Variants in THOC1 observed in about 807,000 individuals in gnomAD.
THOC1 encodes the protein THO complex 1.
THOC1 carries 29 observed loss-of-function variants against 97.3 expected under a neutral mutation model. The ratio of observed to expected loss-of-function variants is 0.30; its 90% confidence interval spans 0.22 to 0.41. THOC1 has a LOEUF of 0.41. Ranked by LOEUF, THOC1 falls within the 10% of genes least tolerant of loss-of-function variation. The pLI is 1.00. For synonymous variants in THOC1, 255 were observed against 257.0 expected, an observed-to-expected ratio of 0.99 and a Z score of 0.07; for missense variants, 529 against 761.9, an observed-to-expected ratio of 0.69 and a Z score of 3.60.
chr18:268,020 C>A lies in THOC1; in HGVS notation c.-1G>T. 6.3e-7 allele frequency: 1 copy of A among 1,595,516 alleles called. No homozygotes were observed. Among genetic ancestry groups the A allele is most frequent in the Non-Finnish European group, 8.5e-7 (1 of 1,170,830 alleles). On this transcript the variant is annotated 5_prime_UTR_variant, in exon 1 of 21. Transcript: ENST00000261600. ...TGAAGAGCGGCGGCGTCGGAGACAT[C>A]TTCTCGGCTGCGCGTGCCCGCCACT...
chr18:232,867 CAT>C (rs1486419076), intron 11 of THOC1, among the ~76,000 whole-genome samples: 3 of 152,088 alleles, frequency 2.0e-5, no homozygotes, highest in African/African-American at 7.2e-5. Flanking sequence ...CAGTTTTCTA[CAT>C]CTTTAAATTA....
At chr18:257,064 C>T (rs1912460106) in intron 7 of THOC1, among the ~76,000 whole-genome samples, 1 of 152,182 alleles carries the variant, frequency 6.6e-6, no homozygotes, top group Non-Finnish European at 1.5e-5. Context: ...CTATTGCATA[C>T]TTAATAGACT....
At chr18:246,127 T>G (rs982600219) in intron 11 of THOC1, 197 bp downstream of exon 11, 2 of 456,560 alleles carry the variant, frequency 4.4e-6, no homozygotes, top group Non-Finnish European at 3.9e-6. Context: ...GTAGAACTAC[T>G]TTCACCTTTG....
intron 17 of THOC1, among the ~76,000 whole-genome samples, chr18:220,829 C>A (rs1439211202): frequency 6.6e-6 from 1 of 151,906 alleles, no homozygotes; most frequent in African/African-American, 2.4e-5. Context: ...ATTTTGTTAT[C>A]TTCTCTATTG....
Position 226,785 on chromosome 18 carries a change from A to C in THOC1, c.1019+16T>G. The C allele has an allele frequency of 6.3e-7, 1 of 1,576,056 alleles. No individual in the cohort carries two copies. The highest frequency in any genetic ancestry group is 8.7e-7 in the Non-Finnish European group (1 of 1,152,888). On this transcript the variant is annotated intron_variant, in intron 12 of 20. Transcript: ENST00000261600. ...GGCTACTGTTTACAAATTGTTTACT[A>C]CCCATATTATCTTACCTTTTGAATT...
intron 7 of THOC1, among the ~76,000 whole-genome samples, chr18:258,326 T>A (rs1441609627): frequency 1.3e-5 from 2 of 151,952 alleles, no homozygotes; most frequent in Non-Finnish European, 2.9e-5. Context: ...AAAGGAGAAG[T>A]AACGATTTTT....
At chr18:234,627 C>T (rs148387222) in intron 11 of THOC1, among the ~76,000 whole-genome samples, 2,591 of 152,240 alleles carry the variant, frequency 0.017, 78 homozygotes, top group African/African-American at 0.057. Flanking sequence ...AGCAATCCTC[C>T]GGCCTTGGCC....
At chr18:236,501 C>T (rs1449600901) in intron 11 of THOC1, among the ~76,000 whole-genome samples, 1 of 139,448 alleles carries the variant, frequency 7.2e-6, no homozygotes, top group Non-Finnish European at 1.5e-5. Flanking sequence ...GAACTACAGG[C>T]GCCCGCTACC....
At chr18:258,368 T>C (rs1369405615) in intron 7 of THOC1, among the ~76,000 whole-genome samples, 3 of 151,960 alleles carry the variant, frequency 2.0e-5, no homozygotes, top group South Asian at 4.1e-4. Context: ...TGAAGAAAAG[T>C]CTAAAAGGGA....
chr18:225,324 GTGT>G lies in THOC1; in HGVS notation c.1086+10_1086+12del, dbSNP rs1567844415. ...ATTTTTTCAATCATGGGTTTGTTGC[GTGT>G]TGAACTTACTTGATAAACTGATTTT... is the stretch of plus-strand genomic sequence containing the variant. On this transcript the variant is annotated intron_variant, in intron 13 of 20. Transcript: ENST00000261600. The G allele has an allele frequency of 6.2e-7, 1 of 1,612,250 alleles. No individual in the cohort carries two copies.
Position 224,190 on chromosome 18 carries a change from C to T in THOC1, c.1209-11G>A. 6.5e-7 allele frequency: 1 copy of T among 1,546,060 alleles called. No homozygotes were observed. The highest frequency in any genetic ancestry group is 8.9e-7 in the Non-Finnish European group (1 of 1,126,126). ...TTGGTATCTGATGTTCTGTCGTGAACAAAACATACACTATTTTTTGAATTA... is the reference window on the plus strand; with the variant it reads ...TTGGTATCTGATGTTCTGTCGTGAATAAAACATACACTATTTTTTGAATTA... On this transcript the variant is annotated splice_polypyrimidine_tract_variant and intron_variant, in intron 15 of 20. Transcript: ENST00000261600.
chr18:242,858 C>T lies in THOC1; in HGVS notation c.918+3466G>A, dbSNP rs781474918. ...CTTTTTGGGAATCCTAGTATCAAAA[C>T]ACCATGTAAGGTACAGAGATGCTGG... On this transcript the variant is annotated intron_variant, in intron 11 of 20. Transcript: ENST00000261600. The surrounding 1 kb of genome is among the most constrained non-coding windows in gnomAD (Gnocchi z 4.5). Among the ~76,000 whole-genome samples the T allele has an allele frequency of 1.3e-5, 2 of 152,198 alleles. No homozygotes were observed. The highest frequency in any genetic ancestry group is 2.9e-5 in the Non-Finnish European group (2 of 68,040).
chr18:249,970 A>G (rs1912228144), intron 9 of THOC1, among the ~76,000 whole-genome samples: 1 of 152,216 alleles, frequency 6.6e-6, no homozygotes. Context: ...TGCAACCATT[A>G]TATGTCCCTT....
intron 7 of THOC1, among the ~76,000 whole-genome samples, chr18:256,871 T>C (rs1310701581): frequency 6.6e-6 from 1 of 152,154 alleles, no homozygotes; most frequent in Non-Finnish European, 1.5e-5. Flanking sequence ...CACTGTGCTA[T>C]TTGAAGAAAA....
At chr18:238,709 TGTGGTTG>T (rs1567849485) in intron 11 of THOC1, among the ~76,000 whole-genome samples, 2 of 152,226 alleles carry the variant, frequency 1.3e-5, no homozygotes, top group Non-Finnish European at 2.9e-5. Flanking sequence ...TGACCAGTTA[TGTGGTTG>T]TTATGTGGTG....
At chr18:224,300 T>C (rs1911198694) in intron 15 of THOC1, 121 bp from the exon 16 acceptor site, 1 of 770,988 alleles carries the variant, frequency 1.3e-6, no homozygotes, top group Non-Finnish European at 2.1e-6. Context: ...GAAAACTGGC[T>C]GGGCATGGTG....
intron 7 of THOC1, 146 bp downstream of exon 7, chr18:259,034 A>G (rs917827571): frequency 1.6e-6 from 1 of 628,872 alleles, no homozygotes; most frequent in Non-Finnish European, 2.8e-6. Flanking sequence ...CTATACATTT[A>G]TAAGTAAAAG....
rs904673312 is a variant in THOC1 at position 265,444 on chromosome 18, A to G, written c.128+13T>C. ...ATTGAGGCAAGTATTTTTCATAGAT[A>G]TCAATGCCTTACCTGCCAGGTACCT... is the stretch of plus-strand genomic sequence containing the variant. On this transcript the variant is annotated intron_variant, in intron 2 of 20. Transcript: ENST00000261600. 4 of 1,591,626 alleles carry G rather than the reference A, an allele frequency of 2.5e-6. No individual in the cohort carries two copies. Among genetic ancestry groups the G allele is most frequent in the Non-Finnish European group, 3.4e-6 (4 of 1,169,680 alleles).
rs573338124 is a variant in THOC1 at position 247,679 on chromosome 18, C to T, written c.786+170G>A. ...TATCCGATTCTTATATACTACTTCA[C>T]AATATTAGTGGTTTAAATATTAATT... On this transcript the variant is annotated intron_variant, in intron 10 of 20. Transcript: ENST00000261600. 5.3e-5 allele frequency among the ~76,000 whole-genome samples: 8 copies of T among 152,224 alleles called. No homozygotes were observed. In the South Asian group the frequency reaches 1.7e-3, roughly 31 times the overall value.
Sources: gnomAD v4.1 joint callset for allele counts (sites outside exome capture counted in the v4.1 genomes callset) on GRCh38, gnomAD v4.1.1 for gene constraint, Gnocchi (gnomAD v3.1) non-coding constraint, MANE v1.5 for transcripts, NCBI Gene and HGNC (gene_info 2026-07-23, HGNC 2026-07-21) for gene names.